SCIN: variants seen among roughly 807,000 people sequenced by gnomAD.
The protein encoded by SCIN is adseverin.
Under a neutral mutation model 91.8 loss-of-function variants are expected in SCIN, and 91 were observed. The observed-to-expected ratio is 0.99, with a 90% confidence interval of 0.84 to 1.18. SCIN has a LOEUF of 1.18. Among genes scored for constraint, SCIN ranks in the 50% most tolerant of loss-of-function variants. SCIN has a pLI of 0.00. For missense variants in SCIN, 1,087 were observed against 863.9 expected (o/e 1.26, Z -3.24); for synonymous variants, 367 against 312.6 (o/e 1.17, Z -1.84).
At chr7:12,571,711 A>G in intron 1 of SCIN, 1 of 257,598 alleles carries the variant, frequency 3.9e-6, no homozygotes, top group Non-Finnish European at 8.1e-6. Context: ...CTTTATTGTT[A>G]TTATTTATTA....
chr7:12,644,188 A>T lies in SCIN; in HGVS notation c.1632A>T (p.Lys544Asn). The part of the protein sequence containing the change: ...SLNSNDVFVL[K>N]LPQNSGYIWV... ...ATTCTAACGATGTTTTTGTCCTGAAACTGCCACAAAATAGTGGCTACATCT... is the reference window on the plus strand; with the variant it reads ...ATTCTAACGATGTTTTTGTCCTGAATCTGCCACAAAATAGTGGCTACATCT... Residue 544 changes from lysine (K) to asparagine (N), a missense_variant, in exon 12 of 16, where the codon AAA (lysine) becomes AAT (asparagine). Transcript: ENST00000297029. 6.2e-7 allele frequency: 1 copy of T among 1,612,456 alleles called. No homozygotes were observed. Among genetic ancestry groups the T allele is most frequent in the Non-Finnish European group, 8.5e-7 (1 of 1,179,358 alleles).
intron 3 of SCIN, chr7:12,595,581 A>G (rs567301338): frequency 4.6e-5 from 7 of 151,784 alleles, no homozygotes; most frequent in African/African-American, 1.5e-4. Flanking sequence ...GATAGGGGCA[A>G]TGGTTGAGGG....
intron 1 of SCIN, among the ~76,000 whole-genome samples, chr7:12,574,268 A>C (rs758180708): frequency 3.9e-5 from 6 of 152,178 alleles, no homozygotes; most frequent in Non-Finnish European, 7.4e-5. Flanking sequence ...CCAGGGAATC[A>C]TGCTGAGTGA....
At chr7:12,571,651 T>A (rs761064452) in intron 1 of SCIN, 1 of 450,258 alleles carries the variant, frequency 2.2e-6, no homozygotes, top group South Asian at 1.7e-5. Context: ...AGATATTTTA[T>A]ATACAAATAA....
intron 9 of SCIN, among the ~76,000 whole-genome samples, chr7:12,635,611 C>CAA (rs59324421): frequency 0.066 from 388 of 5,850 alleles, 118 homozygotes; most frequent in Middle Eastern, 0.5. Context: ...GACTCCGTCT[C>CAA]AAAAAAAAAA....
chr7:12,617,944 T>C (rs1033128968), intron 4 of SCIN, among the ~76,000 whole-genome samples: 12 of 152,162 alleles, frequency 7.9e-5, no homozygotes, highest in Non-Finnish European at 5.9e-5. Flanking sequence ...GTGATTTTGC[T>C]TTCTGTGTTA....
chr7:12,640,597 T>C (rs1783839666), intron 11 of SCIN, 80 bp downstream of exon 11: 1 of 1,283,670 alleles, frequency 7.8e-7, no homozygotes, highest in African/African-American at 1.5e-5. Context: ...TATTAGACTT[T>C]AAAAACTTGG....
chr7:12,591,817 G>A (rs1178997103), intron 3 of SCIN, among the ~76,000 whole-genome samples: 1 of 152,102 alleles, frequency 6.6e-6, no homozygotes, highest in Non-Finnish European at 1.5e-5. Context: ...TCATAGCCTG[G>A]GCCCCAGGGG....
At chr7:12,585,856 C>A (rs751514421) in intron 3 of SCIN, among the ~76,000 whole-genome samples, 1 of 152,204 alleles carries the variant, frequency 6.6e-6, no homozygotes, top group Admixed American at 6.5e-5. Context: ...CTAGAATACT[C>A]GCCTCTTATT....
intron 14 of SCIN, among the ~76,000 whole-genome samples, chr7:12,650,356 C>A (rs920915083): frequency 2.6e-4 from 39 of 152,262 alleles, no homozygotes; most frequent in African/African-American, 8.7e-4. Context: ...ATAAAACATT[C>A]TTGTGTATTT....
At chr7:12,603,474 T>C (rs913004624) in intron 3 of SCIN, among the ~76,000 whole-genome samples, 2 of 152,056 alleles carry the variant, frequency 1.3e-5, no homozygotes, top group African/African-American at 2.4e-5. Context: ...TAAACCACCC[T>C]TAAAAAACCT....
chr7:12,607,121 G>A (rs143987433), intron 4 of SCIN, among the ~76,000 whole-genome samples: 1 of 152,282 alleles, frequency 6.6e-6, no homozygotes, highest in East Asian at 1.9e-4. Flanking sequence ...TTAACTATCG[G>A]ACATCACTCA....
intron 14 of SCIN, among the ~76,000 whole-genome samples, chr7:12,650,408 T>C (rs1784056807): frequency 1.3e-5 from 2 of 152,246 alleles, no homozygotes; most frequent in Non-Finnish European, 2.9e-5. Context: ...CAGATATATA[T>C]TTAATTTTTC....
At chr7:12,611,569 G>A (rs1390628460) in intron 4 of SCIN, among the ~76,000 whole-genome samples, 1 of 152,098 alleles carries the variant, frequency 6.6e-6, no homozygotes, top group Non-Finnish European at 1.5e-5. Context: ...CTTTATTTCT[G>A]GGGCGTGACC....
intron 9 of SCIN, among the ~76,000 whole-genome samples, chr7:12,635,536 C>T (rs1413520859): frequency 3.9e-5 from 5 of 127,738 alleles, no homozygotes; most frequent in South Asian, 2.8e-4. Flanking sequence ...CGCTTGAAGC[C>T]GGGAGGTGGA....
Position 12,581,131 on chromosome 7 carries a change from G to A in SCIN, c.426G>A (p.Val142=), listed in dbSNP as rs1782479455. ...TGACAGCCAAGAGGCTCCTACATGT[G>A]AAGGGTCGTAGAGTGGTGAGAGCCA... The part of the protein sequence containing the change: ...NDLTAKRLLH[V]KGRRVVRATE... Residue 142 remains valine, a synonymous_variant, in exon 3 of 16, where the codon GTG becomes GTA. Coordinates refer to ENST00000297029, the MANE Select transcript of SCIN (RefSeq NM_001112706.3). The A allele has an allele frequency of 3.2e-6, 5 of 1,551,476 alleles. 1 individual carries two copies. In the East Asian group the frequency reaches 9.8e-5, roughly 30 times the overall value.
At chr7:12,626,498 C>A in intron 7 of SCIN, 86 bp from the exon 8 acceptor site, 6 of 1,066,954 alleles carry the variant, frequency 5.6e-6, no homozygotes, top group South Asian at 3.5e-5. Flanking sequence ...TTTTCCATTT[C>A]CTTACTTTTG....
At chr7:12,620,695 C>T (rs1440208653) in intron 4 of SCIN, among the ~76,000 whole-genome samples, 1 of 152,112 alleles carries the variant, frequency 6.6e-6, no homozygotes, top group Non-Finnish European at 1.5e-5. Flanking sequence ...GTATTTAAAA[C>T]TGACCACATA....
intron 4 of SCIN, among the ~76,000 whole-genome samples, chr7:12,607,598 G>A (rs1227791410): frequency 1.3e-5 from 2 of 152,112 alleles, no homozygotes; most frequent in African/African-American, 4.8e-5. Context: ...TTGGTTTTTA[G>A]AAAAATCCTA....
Sources: allele counts gnomAD v4.1 joint callset (sites outside exome capture counted in the v4.1 genomes callset), GRCh38; gene constraint gnomAD v4.1.1; transcripts MANE v1.5; gene names NCBI Gene and HGNC (gene_info 2026-07-23, HGNC 2026-07-21).